Variants in GOLGA8J observed in about 807,000 individuals in gnomAD.
GOLGA8J encodes golgin A8 family member J.
A neutral mutation model predicts 67.7 loss-of-function variants in GOLGA8J; 19 were observed. The ratio of observed to expected loss-of-function variants is 0.28; its 90% confidence interval spans 0.20 to 0.41. The LOEUF (loss-of-function observed/expected upper bound fraction) is 0.41. GOLGA8J is among the 10% of genes least tolerant of loss of function. The probability of loss-of-function intolerance (pLI) is 1.00; values close to 1 mark genes in which losing one functional copy is unlikely to be tolerated. For missense variants in GOLGA8J, 205 were observed against 584.3 expected (o/e 0.35, Z 6.69); for synonymous variants, 69 against 215.9 (o/e 0.32, Z 5.97).
In GOLGA8J at chr15:30,091,942, G is replaced by C. The variant is rs1278606266; in HGVS notation, c.1277-100G>C. On this transcript the variant is annotated intron_variant, in intron 14 of 18. Coordinates refer to ENST00000567927, the MANE Select transcript of GOLGA8J (RefSeq NM_001282472.2). ...CAACAGCTCATTCCTCTCTGGGGAG[G>C]GGCAGGCTCAGGGTTACACAGTGAG... The C allele has an allele frequency of 1.6e-4, 206 of 1,308,076 alleles. 1 individual carries two copies. The African/African-American group carries it at 2.7e-3, about 17-fold the overall frequency. The allele number at this position is 1,308,076 out of a possible 1,614,324, so 81.0% of individuals were successfully genotyped here. A position where few individuals can be genotyped will look rare whatever the true frequency, so the allele number is the denominator to read the frequency against.
rs202069649 is a variant in GOLGA8J, at chr15:30,089,043, G to A, written c.786+3G>A. 28,921 of 1,115,702 alleles carry A rather than the reference G, an allele frequency of 0.026. 1,949 individuals carry two copies. Among genetic ancestry groups the A allele is most frequent in the Non-Finnish European group, 0.029 (23,177 of 798,104 alleles). The allele number at this position is 1,115,702 out of a possible 1,614,324, so 69.1% of individuals were successfully genotyped here. ...GGATGAGAAAAATGTCGCAGGAGGT[G>A]AGATCTGACCCTTCAGCCCCCCCAC... On this transcript the variant is annotated splice_donor_region_variant and intron_variant, in intron 10 of 18. Transcript: ENST00000567927.
rs1401427653 is a variant in GOLGA8J at position 30,088,850 on chromosome 15, G to A, written c.678+24G>A. The A allele has an allele frequency of 6.2e-6, 5 of 801,068 alleles. No homozygotes were observed. The East Asian group carries it at 1.3e-4, about 21-fold the overall frequency. 49.6% of individuals were successfully genotyped at this position (801,068 alleles called of 1,614,324 possible). ...AGGTGAGGTTTTCTGAGGGAGTTAT[G>A]TGGAAGGAAGATGACCCCAGGTGGC... On this transcript the variant is annotated intron_variant, in intron 9 of 18. Coordinates refer to ENST00000567927, the MANE Select transcript of GOLGA8J (RefSeq NM_001282472.2).
At chr15:30,088,555 T>G (rs940786824) in intron 8 of GOLGA8J, among the ~76,000 whole-genome samples, 185 bp from the exon 9 acceptor site, 9 of 147,912 alleles carry the variant, frequency 6.1e-5, no homozygotes, top group Admixed American at 6.0e-4. Context: ...AGCTATAAAC[T>G]CAGTCTCATT....
intron 13 of GOLGA8J, among the ~76,000 whole-genome samples, chr15:30,090,504 G>C (rs1281065579): frequency 1.4e-5 from 2 of 147,600 alleles, no homozygotes; most frequent in African/African-American, 2.6e-5. Flanking sequence ...ATCCCAGCTA[G>C]AGGCATGGAG....
In GOLGA8J at chr15:30,089,911, G is replaced by A; in HGVS notation, c.1086G>A (p.Lys362=). Residue 362 remains lysine (K), a synonymous_variant, in exon 12 of 19, where the codon AAG becomes AAA. Coordinates refer to ENST00000567927, the MANE Select transcript of GOLGA8J (RefSeq NM_001282472.2). ...AGGAGAGGATTCAGGAGCAGCACAA[G>A]AGCCTTCAGCAGCTGGCCAAGCCAC... ...KQEERIQEQH[K]SLQQLAKPQS... 1 of 1,513,222 alleles carries A rather than the reference G, an allele frequency of 6.6e-7. No individual in the cohort carries two copies. The highest frequency in any genetic ancestry group is 2.4e-5 in the East Asian group (1 of 41,530). 93.7% of individuals were successfully genotyped at this position (1,513,222 alleles called of 1,614,324 possible). A position where few individuals can be genotyped will look rare whatever the true frequency, so the allele number is the denominator to read the frequency against.
Position 30,084,817 on chromosome 15 carries a change from C to T in GOLGA8J, c.95C>T (p.Ala32Val), listed in dbSNP as rs752901007. Reference protein sequence around the residue: ...QKNSPRVPAGANRNRKTNGSI... With the variant: ...QKNSPRVPAGVNRNRKTNGSI... ...AACAGCCCTAGAGTTCCAGCAGGAG[C>T]GAACAGGAACAGGAAAACAAATGGC... Residue 32 changes from alanine to valine, a missense_variant, in exon 2 of 19, where the codon GCG becomes GTG. Physicochemically the swap from Ala to Val is moderately conservative, Grantham distance 64. Coordinates refer to ENST00000567927, the MANE Select transcript of GOLGA8J (RefSeq NM_001282472.2). 154 of 1,309,242 alleles carry T rather than the reference C, an allele frequency of 1.2e-4. 6 individuals are homozygous for T. Among genetic ancestry groups the T allele is most frequent in the Middle Eastern group, 2.8e-4 (1 of 3,614 alleles). 81.1% of individuals were successfully genotyped at this position (1,309,242 alleles called of 1,614,324 possible).
At position 30,090,418 on chromosome 15, in the gene GOLGA8J, G is replaced by A. The variant is rs369961602; in HGVS notation, c.1200+138G>A. 7.9e-5 allele frequency: 121 copies of A among 1,523,142 alleles called. 7 individuals carry two copies. The South Asian group carries it at 1.4e-3, about 17-fold the overall frequency. 94.4% of individuals were successfully genotyped at this position (1,523,142 alleles called of 1,614,324 possible). ...CCACAGCACCCCCCAGGGCAGTCCT[G>A]TGACTGTTTCTTGCTTCCTGCCTCT... On this transcript the variant is annotated intron_variant, in intron 13 of 18. Coordinates refer to ENST00000567927, the MANE Select transcript of GOLGA8J (RefSeq NM_001282472.2).
In GOLGA8J at chr15:30,092,047, G is replaced by C. The variant is rs201190256; in HGVS notation, c.1282G>C (p.Gly428Arg). ...CGTCTGACCACCCCCCACAGGACAC[G>C]GAGGAGAACATCTGGACAGTGAGGG... is the stretch of plus-strand genomic sequence containing the variant. ...SLMALPGEGH[G>R]GEHLDSEGEE... The change falls in exon 15 of 19, where the codon GGA becomes CGA. Residue 428 changes from glycine (G) to arginine (R), a missense_variant. Physicochemically the swap from Gly to Arg is moderately radical, Grantham distance 125. Transcript: ENST00000567927. 2.8e-4 allele frequency: 440 copies of C among 1,594,700 alleles called. 19 individuals carry two copies. The highest frequency in any genetic ancestry group is 3.6e-4 in the Non-Finnish European group (424 of 1,172,930).
At chr15:30,090,053 A>T (rs1194507940) in intron 12 of GOLGA8J, 97 bp downstream of exon 12, 9 of 1,310,594 alleles carry the variant, frequency 6.9e-6, no homozygotes, top group Non-Finnish European at 9.0e-6. Context: ...CTCACATGAA[A>T]TGTTACTTCT....
In GOLGA8J at chr15:30,095,194, G is replaced by C. The variant is rs1250495317; in HGVS notation, c.*1695G>C. Among the ~76,000 whole-genome samples, 1 of 141,340 alleles carries C rather than the reference G, an allele frequency of 7.1e-6. No homozygotes were observed. Among genetic ancestry groups the C allele is most frequent in the Admixed American group, 7.0e-5 (1 of 14,230 alleles). The allele number at this position is 141,340 out of a possible 152,430, so 92.7% of individuals were successfully genotyped here. A position where few individuals can be genotyped will look rare whatever the true frequency, so the allele number is the denominator to read the frequency against. On this transcript the variant is annotated 3_prime_UTR_variant, in exon 19 of 19. Transcript: ENST00000567927. ...ACACATCACATTGTTAGGATGCAGGGAGATAGGTGTGTGTGCTCCCTGCGG... is the reference window on the plus strand; with the variant it reads ...ACACATCACATTGTTAGGATGCAGGCAGATAGGTGTGTGTGCTCCCTGCGG...
chr15:30,088,039 G>A, intron 8 of GOLGA8J: 1 of 549,388 alleles, frequency 1.8e-6, no homozygotes, highest in South Asian at 1.6e-5. Flanking sequence ...TGTAGAAAGA[G>A]GAAACGTGTG....
rs1490323531 is a variant in GOLGA8J at position 30,095,594 on chromosome 15, A to G, written c.*2095A>G. On this transcript the variant is annotated 3_prime_UTR_variant, in exon 19 of 19. Coordinates refer to ENST00000567927, the MANE Select transcript of GOLGA8J (RefSeq NM_001282472.2). ...TGCATTCTTTGAGTTCAGTTTAAAG[A>G]CAGTTACTTTAAGAGCATTTTAAAC... Among the ~76,000 whole-genome samples the G allele has an allele frequency of 2.7e-5, 3 of 111,992 alleles. No homozygotes were observed. The highest frequency in any genetic ancestry group is 1.2e-4 in the African/African-American group (3 of 24,960). 73.5% of individuals were successfully genotyped at this position (111,992 alleles called of 152,430 possible).
chr15:30,084,917 G>A, intron 2 of GOLGA8J, 27 bp downstream of exon 2: 1 of 1,491,576 alleles, frequency 6.7e-7, no homozygotes, highest in Non-Finnish European at 8.8e-7. Flanking sequence ...CAGGCTTCTG[G>A]GGACAGGGGG....
intron 15 of GOLGA8J, among the ~76,000 whole-genome samples, 193 bp downstream of exon 15, chr15:30,092,326 C>T (rs2057417105): frequency 7.1e-6 from 1 of 140,478 alleles, no homozygotes; most frequent in Non-Finnish European, 1.5e-5. Flanking sequence ...GGGTTGCGCT[C>T]CACCTCTCTG....
chr15:30,090,686 C>CAAAAAA (rs71270989), intron 13 of GOLGA8J, among the ~76,000 whole-genome samples: 51 of 59,382 alleles, frequency 8.6e-4, no homozygotes, highest in African/African-American at 3.8e-3. Flanking sequence ...ACTAAAATTA[C>CAAAAAA]AAAAAAAAAA....
chr15:30,092,108 A>C lies in GOLGA8J; in HGVS notation c.1343A>C (p.Glu448Ala), dbSNP rs2057412682. Reference protein sequence around the residue: ...EAPRPMPSVPEDPESREAMSS... With the variant: ...EAPRPMPSVPADPESREAMSS... ...CCTCGGCCCATGCCGAGTGTCCCAGAGGACCCGGAGAGCAGGGAGGCCATG... is the reference window on the plus strand; with the variant it reads ...CCTCGGCCCATGCCGAGTGTCCCAGCGGACCCGGAGAGCAGGGAGGCCATG... Residue 448 changes from glutamate (E) to alanine (A), a missense_variant, in exon 15 of 19, where the codon GAG (glutamate) becomes GCG (alanine). Glu to Ala is a moderately radical substitution (Grantham distance 107). Coordinates refer to ENST00000567927, the MANE Select transcript of GOLGA8J (RefSeq NM_001282472.2). 6.4e-7 allele frequency: 1 copy of C among 1,570,764 alleles called. No individual in the cohort carries two copies. Among genetic ancestry groups the C allele is most frequent in the Non-Finnish European group, 8.6e-7 (1 of 1,160,498 alleles).
Position 30,090,470 on chromosome 15 carries a change from C to A in GOLGA8J, c.1200+190C>A, listed in dbSNP as rs1416577939. On this transcript the variant is annotated intron_variant, in intron 13 of 18. Transcript: ENST00000567927. ...ACTTTTAAAGGTGGGTAGCCCTGGGCTCCTCTAAGGTCTGGACATCATCAT... is the reference window on the plus strand; with the variant it reads ...ACTTTTAAAGGTGGGTAGCCCTGGGATCCTCTAAGGTCTGGACATCATCAT... 3.0e-4 allele frequency among the ~76,000 whole-genome samples: 45 copies of A among 148,188 alleles called. 3 individuals carry two copies. The highest frequency in any genetic ancestry group is 8.2e-4 in the African/African-American group (32 of 38,888).
In GOLGA8J at chr15:30,095,162, T is replaced by A. The variant is rs1203200020; in HGVS notation, c.*1663T>A. ...ACTTCATGAAGTTCTAATGTCTGTG[T>A]TCCAAAACACATCACATTGTTAGGA... On this transcript the variant is annotated 3_prime_UTR_variant, in exon 19 of 19. Coordinates refer to ENST00000567927, the MANE Select transcript of GOLGA8J (RefSeq NM_001282472.2). 2.1e-5 allele frequency among the ~76,000 whole-genome samples: 3 copies of A among 144,672 alleles called. 1 individual carries two copies. The highest frequency in any genetic ancestry group is 4.5e-5 in the Non-Finnish European group (3 of 67,070). The allele number at this position is 144,672 out of a possible 152,430, so 94.9% of individuals were successfully genotyped here.
At chr15:30,089,203 C>A in intron 10 of GOLGA8J, 33 bp from the exon 11 acceptor site, 1 of 575,996 alleles carries the variant, frequency 1.7e-6, no homozygotes, top group Non-Finnish European at 2.9e-6. Context: ...CAGCCCCTCT[C>A]TCCAAGGCCC....
Sources: allele counts gnomAD v4.1 joint callset (sites outside exome capture counted in the v4.1 genomes callset), GRCh38; gene constraint gnomAD v4.1.1; transcripts MANE v1.5; gene names NCBI Gene and HGNC (gene_info 2026-07-23, HGNC 2026-07-21).